HTT: variants seen among roughly 807,000 people sequenced by gnomAD.
HTT encodes huntingtin.
In HTT, 104 loss-of-function variants were observed where a neutral mutation model predicts 362.3. The observed-to-expected ratio is 0.29, with a 90% CI of 0.24 to 0.34. The LOEUF (loss-of-function observed/expected upper bound fraction) is 0.34, where lower values mean the gene tolerates loss of function less well. Ranked by LOEUF, HTT falls within the 10% of genes least tolerant of loss-of-function variation. The pLI, the probability that HTT is intolerant of heterozygous loss-of-function variation, is 1.00. For synonymous variants in HTT, 1,577 were observed against 1,548.7 expected, an observed-to-expected ratio of 1.02 and a Z score of -0.43; for missense variants, 3,301 against 3,928.6, an observed-to-expected ratio of 0.84 and a Z score of 4.27.
Position 3,157,062 on chromosome 4 carries a change from A to C in HTT, c.3626-10A>C. 6.3e-7 allele frequency: 1 copy of C among 1,582,658 alleles called. No homozygotes were observed. The highest frequency in any genetic ancestry group is 8.6e-7 in the Non-Finnish European group (1 of 1,169,586). ...CTAAAAGTTTATCTTTTGTGTGCAT[A>C]TTTTTAAAGCTTCTAGACAATCTGA... On this transcript the variant is annotated splice_polypyrimidine_tract_variant and intron_variant, in intron 27 of 66. Coordinates refer to ENST00000355072, the MANE Select transcript of HTT (RefSeq NM_001388492.1).
In HTT at chr4:3,192,445, T is replaced by C. The variant is rs147980903; in HGVS notation, c.5368+3352T>C. Reference sequence around the variant, plus strand: ...TTTTCACATGACCGAAGATGACCTCTAGCAGGCTGTGTTCTCAGCCCCTCA... The same window carrying C: ...TTTTCACATGACCGAAGATGACCTCCAGCAGGCTGTGTTCTCAGCCCCTCA... On this transcript the variant is annotated intron_variant, in intron 40 of 66. Transcript: ENST00000355072. Among the ~76,000 whole-genome samples the C allele has an allele frequency of 1.7e-3, 263 of 152,340 alleles. 2 individuals carry two copies. Among genetic ancestry groups the C allele is most frequent in the Admixed American group, 3.0e-3 (46 of 15,304 alleles).
intron 27 of HTT, among the ~76,000 whole-genome samples, chr4:3,154,853 G>A (rs1717065364): frequency 1.3e-5 from 2 of 152,248 alleles, no homozygotes; most frequent in Middle Eastern, 3.2e-3. Flanking sequence ...AAGAGCTAAA[G>A]GCGAGAGAAA....
Position 3,180,580 on chromosome 4 carries a change from G to T in HTT, c.4678G>T (p.Ala1560Ser), listed in dbSNP as rs1265336533. 1.2e-6 allele frequency: 2 copies of T among 1,613,576 alleles called. No individual in the cohort carries two copies. The highest frequency in any genetic ancestry group is 1.7e-5 in the Admixed American group (1 of 59,956). Reference sequence around the variant, plus strand: ...ATTAAGAGGAACAAATAAAGCTGATGCAGGAAAAGAGCTTGAAACCCAAAA... The same window carrying T: ...ATTAAGAGGAACAAATAAAGCTGATTCAGGAAAAGAGCTTGAAACCCAAAA... The part of the protein sequence containing the change: ...FVLRGTNKAD[A>S]GKELETQKEV... Residue 1560 changes from alanine to serine, a missense_variant, in exon 36 of 67, where the codon GCA becomes TCA. By Grantham distance (99) the Ala-to-Ser change is moderately conservative (BLOSUM62 1). Around this residue, in one of 4 missense-constraint regions of HTT, gnomAD observed 2,316 missense variants for 2,658.5 expected, o/e 0.87. Coordinates refer to ENST00000355072, the MANE Select transcript of HTT (RefSeq NM_001388492.1).
chr4:3,230,946 A>G (rs1295147308), intron 60 of HTT, among the ~76,000 whole-genome samples: 1 of 152,186 alleles, frequency 6.6e-6, no homozygotes, highest in African/African-American at 2.4e-5. Context: ...GTTCCTCCTT[A>G]TTCTGCTTCT....
intron 2 of HTT, 94 bp from the exon 3 acceptor site, chr4:3,099,180 C>T: frequency 1.3e-6 from 1 of 793,522 alleles, no homozygotes; most frequent in African/African-American, 1.7e-5. Context: ...TTTTCTGTTC[C>T]AGAATTCCAT....
At position 3,240,399 on chromosome 4, in the gene HTT, A is replaced by C; in HGVS notation, c.*340A>C. On this transcript the variant is annotated 3_prime_UTR_variant, in exon 67 of 67. Coordinates refer to ENST00000355072, the MANE Select transcript of HTT (RefSeq NM_001388492.1). ...CAGCTGCTCTTGCATCTGGGCCAGA[A>C]GTCCTCCCTCCTGCAGGCTGGCTGT... 1 of 356,306 alleles carries C rather than the reference A, an allele frequency of 2.8e-6. No individual in the cohort carries two copies. Among genetic ancestry groups the C allele is most frequent in the South Asian group, 2.7e-5 (1 of 36,474 alleles). The allele number at this position is 356,306 out of a possible 1,614,324, so 22.1% of individuals were successfully genotyped here. A position where few individuals can be genotyped will look rare whatever the true frequency, so the allele number is the denominator to read the frequency against.
intron 29 of HTT, among the ~76,000 whole-genome samples, chr4:3,160,734 CG>C (rs986704019): frequency 6.6e-6 from 1 of 151,538 alleles, no homozygotes; most frequent in African/African-American, 2.4e-5. Flanking sequence ...GGTAAGGGGG[CG>C]GGGCGGGAGG....
chr4:3,104,358 C>G (rs1714318244), intron 4 of HTT, among the ~76,000 whole-genome samples: 2 of 151,932 alleles, frequency 1.3e-5, no homozygotes, highest in South Asian at 4.2e-4. Flanking sequence ...GCCTGTAATC[C>G]CAGCATTTTG....
Position 3,212,102 on chromosome 4 carries a change from A to G in HTT, c.6588A>G (p.Ala2196=), listed in dbSNP as rs1395718261. 1.2e-6 allele frequency: 2 copies of G among 1,614,040 alleles called. No homozygotes were observed. The highest frequency in any genetic ancestry group is 1.1e-5 in the South Asian group (1 of 91,084). ...VHHVFQPELP[A]EPAAYWSKLN... is the part of the protein sequence containing the mutation. ...ATGTCTTCCAGCCCGAGCTGCCTGC[A>G]GAGCCGGCGGCCTACTGGAGCAAGT... The change falls in exon 48 of 67, where the codon GCA becomes GCG. Residue 2196 remains alanine, a synonymous_variant. Coordinates refer to ENST00000355072, the MANE Select transcript of HTT (RefSeq NM_001388492.1).
chr4:3,142,844 A>G lies in HTT; in HGVS notation c.3024A>G (p.Ala1008=). The change falls in exon 23 of 67, where the codon GCA becomes GCG. Residue 1008 remains alanine (A), a synonymous_variant. Transcript: ENST00000355072. ...ATAACCTTTCAAGAGTTATTGCAGC[A>G]GTTTCTCATGAACTAATCACATCAA... is the stretch of plus-strand genomic sequence containing the variant. The part of the protein sequence containing the change: ...MENNLSRVIA[A]VSHELITSTT... The G allele has an allele frequency of 6.2e-7, 1 of 1,611,182 alleles. No homozygotes were observed. Among genetic ancestry groups the G allele is most frequent in the Non-Finnish European group, 8.5e-7 (1 of 1,177,372 alleles).
intron 1 of HTT, among the ~76,000 whole-genome samples, chr4:3,080,703 A>G (rs961003881): frequency 1.3e-5 from 2 of 152,348 alleles, no homozygotes; most frequent in African/African-American, 4.8e-5. Context: ...GTTTACTCCT[A>G]TGTTTTCTTC....
At chr4:3,099,438 T>C (rs779667502) in intron 3 of HTT, 44 bp downstream of exon 3, 15 of 1,608,522 alleles carry the variant, frequency 9.3e-6, no homozygotes, top group Admixed American at 1.7e-5. Context: ...CTATCATTGT[T>C]GTAGGCTGAG....
At chr4:3,167,187 T>C (rs1470227354) in intron 29 of HTT, among the ~76,000 whole-genome samples, 1 of 152,208 alleles carries the variant, frequency 6.6e-6, no homozygotes. Flanking sequence ...TTCTCCTACC[T>C]CAGCCTCCGG....
chr4:3,114,693 C>G (rs1578509957), intron 6 of HTT, among the ~76,000 whole-genome samples: 1 of 152,164 alleles, frequency 6.6e-6, no homozygotes, highest in Non-Finnish European at 1.5e-5. Flanking sequence ...CTGGGTCACC[C>G]CTTTTCAATT....
At chr4:3,178,976 G>A (rs1578564352) in intron 35 of HTT, among the ~76,000 whole-genome samples, 1 of 152,102 alleles carries the variant, frequency 6.6e-6, no homozygotes, top group African/African-American at 2.4e-5. Flanking sequence ...GAGCTAGTGT[G>A]GTTTTATGAA....
chr4:3,207,429 A>C, intron 45 of HTT, 72 bp downstream of exon 45: 1 of 1,269,746 alleles, frequency 7.9e-7, no homozygotes, highest in Non-Finnish European at 1.1e-6. Context: ...TTTGTACGGG[A>C]ATAAATTCAC....
rs778789584 is a variant in HTT at position 3,223,944 on chromosome 4, A to G, written c.7626-48A>G. 17 of 1,603,676 alleles carry G rather than the reference A, an allele frequency of 1.1e-5. No homozygotes were observed. In the South Asian group the frequency reaches 1.2e-4, roughly 11 times the overall value. On this transcript the variant is annotated intron_variant, in intron 55 of 66. Transcript: ENST00000355072. ...AAAGTTCTGGTGTTTTTCACTTGTA[A>G]GATTTTGAAGGAAACAAAACACTCT... is the stretch of plus-strand genomic sequence containing the variant.
intron 37 of HTT, 60 bp from the exon 38 acceptor site, chr4:3,186,537 A>G: frequency 6.3e-7 from 1 of 1,591,698 alleles, no homozygotes; most frequent in Non-Finnish European, 8.6e-7. Context: ...TAGCTGGTGT[A>G]CAGGAAGCTG....
chr4:3,135,700 C>T (rs969069253), intron 19 of HTT, among the ~76,000 whole-genome samples: 3 of 152,146 alleles, frequency 2.0e-5, no homozygotes, highest in Non-Finnish European at 4.4e-5. Context: ...AAACAGTTTA[C>T]TGAGTACTGT....
Sources: gnomAD v4.1 joint callset for allele counts (sites outside exome capture counted in the v4.1 genomes callset) on GRCh38, gnomAD v4.1.1 for gene constraint, gnomAD v4.1.1 regional missense constraint, MANE v1.5 for transcripts, NCBI Gene and HGNC (gene_info 2026-07-23, HGNC 2026-07-21) for gene names.